The following INSR variants were observed in gnomAD, a reference collection of about 807,000 sequenced individuals.
The protein encoded by INSR is IR.
A neutral mutation model predicts 142.6 loss-of-function variants in INSR; 67 were observed. The ratio of observed to expected loss-of-function variants is 0.47; its 90% CI spans 0.39 to 0.58. The LOEUF (loss-of-function observed/expected upper bound fraction) is 0.58. Among genes scored for constraint, INSR ranks in the 20% least tolerant of loss-of-function variants. The pLI is 0.00. For synonymous variants in INSR, 756 were observed against 743.1 expected, an observed-to-expected ratio of 1.02 and a Z score of -0.28; for missense variants, 1,248 against 1,833.2, an observed-to-expected ratio of 0.68 and a Z score of 5.83.
chr19:7,180,530 A>AAAG (rs778936578), intron 3 of INSR, among the ~76,000 whole-genome samples: 4 of 76,824 alleles, frequency 5.2e-5, no homozygotes, highest in East Asian at 2.7e-4. Context: ...ACCTTGTCTC[A>AAAG]AAAAAAAAAA....
At position 7,225,089 on chromosome 19, in the gene INSR, T is replaced by TA. The variant is rs1161779622; in HGVS notation, c.653-40453dup. 2.0e-5 allele frequency among the ~76,000 whole-genome samples: 3 copies of TA among 151,994 alleles called. No individual in the cohort carries two copies. Among genetic ancestry groups the TA allele is most frequent in the African/African-American group, 7.3e-5 (3 of 41,358 alleles). On this transcript the variant is annotated intron_variant, in intron 2 of 21. Transcript: ENST00000302850. The surrounding 1 kb of genome is among the most constrained non-coding windows in gnomAD (Gnocchi z 4.7). ...TTGTGGCCACATGCTGTGTAACACTTAGAGTTTCCTATGCACCCAGCACTA... is the reference window on the plus strand; with the variant it reads ...TTGTGGCCACATGCTGTGTAACACTTAAGAGTTTCCTATGCACCCAGCACTA...
intron 2 of INSR, among the ~76,000 whole-genome samples, chr19:7,218,176 G>A (rs964522891): frequency 2.0e-5 from 3 of 151,974 alleles, no homozygotes; most frequent in Non-Finnish European, 2.9e-5. Context: ...CGGGGGTCAC[G>A]TGGAAGTGTC....
intron 1 of INSR, among the ~76,000 whole-genome samples, chr19:7,275,478 A>C (rs1968036839): frequency 1.3e-5 from 2 of 152,040 alleles, no homozygotes; most frequent in African/African-American, 4.8e-5. Flanking sequence ...CAATGAATTA[A>C]AGTGAAAATA....
chr19:7,149,150 G>C (rs978116077), intron 11 of INSR, among the ~76,000 whole-genome samples: 3 of 150,366 alleles, frequency 2.0e-5, no homozygotes, highest in African/African-American at 7.3e-5. Context: ...CTCATGATCC[G>C]CCCGCCTCGG....
chr19:7,205,964 C>T (rs541043691), intron 2 of INSR, among the ~76,000 whole-genome samples: 65 of 152,240 alleles, frequency 4.3e-4, no homozygotes, highest in Non-Finnish European at 1.5e-4. Flanking sequence ...GGTATCAGGT[C>T]GACCTGAGTT....
intron 8 of INSR, among the ~76,000 whole-genome samples, chr19:7,165,419 C>T (rs991376265): frequency 2.0e-5 from 3 of 152,144 alleles, no homozygotes; most frequent in African/African-American, 7.2e-5. Context: ...AAGGCTGAAG[C>T]TGGGAGGCGG....
In INSR at chr19:7,270,358, C is replaced by A. The variant is rs925195750; in HGVS notation, c.101-2462G>T. ...TCTCTCTCACACACACACACACACACACACACACACACACACACACACTGC... is the reference window on the plus strand; with the variant it reads ...TCTCTCTCACACACACACACACACAAACACACACACACACACACACACTGC... On this transcript the variant is annotated intron_variant, in intron 1 of 21. Transcript: ENST00000302850. 6.0e-4 allele frequency among the ~76,000 whole-genome samples: 90 copies of A among 150,572 alleles called. 1 individual carries two copies. The highest frequency in any genetic ancestry group is 1.8e-3 in the African/African-American group (73 of 40,930).
At chr19:7,264,739 G>A (rs912764532) in intron 2 of INSR, among the ~76,000 whole-genome samples, 7 of 152,164 alleles carry the variant, frequency 4.6e-5, no homozygotes, top group African/African-American at 1.7e-4. Context: ...TAACCTCTCT[G>A]GTCATAGTTT....
intron 19 of INSR, 32 bp downstream of exon 19, chr19:7,122,582 G>A (rs759945275): frequency 8.1e-6 from 13 of 1,613,132 alleles, no homozygotes; most frequent in Admixed American, 1.7e-5. Context: ...GGCCTGGGTC[G>A]TTATGTTTTC....
chr19:7,170,473 T>C (rs1973991333), intron 6 of INSR, 64 bp downstream of exon 6: 5 of 1,268,146 alleles, frequency 3.9e-6, no homozygotes, highest in Middle Eastern at 2.6e-4. Context: ...CACCAGTCCA[T>C]GGAAAAACCA....
rs1284712566 is a variant in INSR, at chr19:7,125,659, C to T, written c.3014-132G>A. On this transcript the variant is annotated intron_variant, in intron 16 of 21. Coordinates refer to ENST00000302850, the MANE Select transcript of INSR (RefSeq NM_000208.4). The surrounding 1 kb of genome is among the most constrained non-coding windows in gnomAD (Gnocchi z 4.9). ...GAGTTCTGTGATCCAGGACCCATGC[C>T]GGGCACTGGGCATATGGCCGAGAAC... The T allele has an allele frequency of 7.1e-5, 87 of 1,233,108 alleles. No individual in the cohort carries two copies. The highest frequency in any genetic ancestry group is 8.9e-5 in the Non-Finnish European group (77 of 862,568). 76.4% of individuals were successfully genotyped at this position (1,233,108 alleles called of 1,614,324 possible).
At position 7,230,817 on chromosome 19, in the gene INSR, AAAAAT is replaced by A. The variant is rs1975949302; in HGVS notation, c.652+36523_652+36527del. ...TGAGACTCCATCTCAAAAATAAAAA[AAAAAT>A]AAAAAATATTAGCTCAAGGCCTCCT... On this transcript the variant is annotated intron_variant, in intron 2 of 21. Coordinates refer to ENST00000302850, the MANE Select transcript of INSR (RefSeq NM_000208.4). 3.3e-5 allele frequency among the ~76,000 whole-genome samples: 5 copies of A among 151,520 alleles called. No individual in the cohort carries two copies. The East Asian group carries it at 5.8e-4, about 18-fold the overall frequency.
At chr19:7,169,357 G>A (rs1460829895) in intron 6 of INSR, among the ~76,000 whole-genome samples, 1 of 151,826 alleles carries the variant, frequency 6.6e-6, no homozygotes, top group Non-Finnish European at 1.5e-5. Context: ...ATCACCTGAG[G>A]TCAGGAGTTC....
At chr19:7,149,025 C>T (rs1013277023) in intron 11 of INSR, among the ~76,000 whole-genome samples, 15 of 152,124 alleles carry the variant, frequency 9.9e-5, no homozygotes, top group Admixed American at 7.9e-4. Flanking sequence ...GAACTCCTGG[C>T]CTCAAGTGAT....
intron 13 of INSR, chr19:7,141,405 TC>T (rs1337465065): frequency 2.0e-6 from 1 of 493,232 alleles, no homozygotes; most frequent in Non-Finnish European, 3.7e-6. Flanking sequence ...GAAATGAGTC[TC>T]CTGTTGTGGT....
At chr19:7,270,253 C>T (rs894887634) in intron 1 of INSR, among the ~76,000 whole-genome samples, 40 of 151,766 alleles carry the variant, frequency 2.6e-4, no homozygotes, top group African/African-American at 8.9e-4. Context: ...TGGCTGGCAT[C>T]CTAATCTTAG....
At chr19:7,289,194 G>A (rs975950251) in intron 1 of INSR, among the ~76,000 whole-genome samples, 3 of 151,830 alleles carry the variant, frequency 2.0e-5, no homozygotes, top group South Asian at 2.1e-4. Flanking sequence ...GATTAACTTC[G>A]AGAGCCATCG....
intron 1 of INSR, among the ~76,000 whole-genome samples, chr19:7,281,092 G>C (rs1968193168): frequency 6.6e-6 from 1 of 152,118 alleles, no homozygotes. Context: ...CACAGGATTA[G>C]AAGGGGGCTT....
intron 13 of INSR, among the ~76,000 whole-genome samples, chr19:7,135,516 A>G (rs1972900016): frequency 6.6e-6 from 1 of 151,320 alleles, no homozygotes; most frequent in Non-Finnish European, 1.5e-5. Context: ...CTGTTTGAAA[A>G]AAAAAAAAAA....
Sources: allele counts gnomAD v4.1 joint callset (sites outside exome capture counted in the v4.1 genomes callset), GRCh38; gene constraint gnomAD v4.1.1; non-coding constraint Gnocchi (gnomAD v3.1); transcripts MANE v1.5; gene names NCBI Gene and HGNC (gene_info 2026-07-23, HGNC 2026-07-21).